The following CRHR1 variants were observed in gnomAD, a reference collection of about 807,000 sequenced individuals.
CRHR1 encodes corticotropin releasing hormone receptor 1.
A neutral mutation model predicts 56.0 loss-of-function variants in CRHR1; 28 were observed. That is an observed-to-expected ratio of 0.50 (90% CI 0.37 to 0.69). The LOEUF (loss-of-function observed/expected upper bound fraction) is 0.69, where lower values mean the gene tolerates loss of function less well. Among genes scored for constraint, CRHR1 ranks in the 30% least tolerant of loss-of-function variants. The pLI is 0.00. For missense variants in CRHR1, 376 were observed against 548.0 expected, an observed-to-expected ratio of 0.69 and a Z score of 3.13; for synonymous variants, 195 against 216.5, an observed-to-expected ratio of 0.90 and a Z score of 0.87.
chr17:45,817,418 G>A (rs114014990), intron 3 of CRHR1, among the ~76,000 whole-genome samples: 251 of 152,322 alleles, frequency 1.6e-3, no homozygotes, highest in African/African-American at 5.7e-3. Context: ...AGTCCCAAGA[G>A]GGCACAGGGG....
chr17:45,834,811 T>A lies in CRHR1; in HGVS notation c.*47T>A, dbSNP rs374109766. On this transcript the variant is annotated 3_prime_UTR_variant, in exon 13 of 13. Coordinates refer to ENST00000314537, the MANE Select transcript of CRHR1 (RefSeq NM_004382.5). ...CCCCAAAGAGCTGTGGCTGGGGGGATGACGGCCAGGCTCCCTGACCACCCT... is the reference window on the plus strand; with the variant it reads ...CCCCAAAGAGCTGTGGCTGGGGGGAAGACGGCCAGGCTCCCTGACCACCCT... 408 of 1,610,072 alleles carry A rather than the reference T, an allele frequency of 2.5e-4. No homozygotes were observed. The highest frequency in any genetic ancestry group is 3.4e-4 in the Non-Finnish European group (396 of 1,178,384).
At chr17:45,803,785 T>TGC (rs1484796196) in intron 1 of CRHR1, among the ~76,000 whole-genome samples, 6 of 100,702 alleles carry the variant, frequency 6.0e-5, no homozygotes, top group African/African-American at 2.0e-4. Context: ...TGCGTGCGCG[T>TGC]GCGCGTGTGT....
At chr17:45,828,411 G>T (rs2062214573) in intron 4 of CRHR1, among the ~76,000 whole-genome samples, 1 of 152,234 alleles carries the variant, frequency 6.6e-6, no homozygotes, top group South Asian at 2.1e-4. Flanking sequence ...CCACGGGGTT[G>T]CCCTGATGGT....
Position 45,834,939 on chromosome 17 carries a change from T to A in CRHR1, c.*175T>A. ...CTCCCCCTGCAGCCGTGCAGGACTCTAGCTCATGAGTGGAAAGTCACCTAC... is the reference window on the plus strand; with the variant it reads ...CTCCCCCTGCAGCCGTGCAGGACTCAAGCTCATGAGTGGAAAGTCACCTAC... On this transcript the variant is annotated 3_prime_UTR_variant, in exon 13 of 13. Transcript: ENST00000314537. 2 of 847,508 alleles carry A rather than the reference T, an allele frequency of 2.4e-6. No homozygotes were observed. Among genetic ancestry groups the A allele is most frequent in the Non-Finnish European group, 3.6e-6 (2 of 560,222 alleles). The allele number at this position is 847,508 out of a possible 1,614,324, so 52.5% of individuals were successfully genotyped here. A position where few individuals can be genotyped will look rare whatever the true frequency, so the allele number is the denominator to read the frequency against.
In CRHR1 at chr17:45,834,848, T is replaced by C. The variant is rs1304800222; in HGVS notation, c.*84T>C. 4 of 1,582,288 alleles carry C rather than the reference T, an allele frequency of 2.5e-6. No individual in the cohort carries two copies. Among genetic ancestry groups the C allele is most frequent in the Non-Finnish European group, 3.4e-6 (4 of 1,161,786 alleles). ...TCCCTGACCACCCTGCCTGTGGAGG[T>C]GACCTGTTAGGTCTCATGCCCACTC... On this transcript the variant is annotated 3_prime_UTR_variant, in exon 13 of 13. Coordinates refer to ENST00000314537, the MANE Select transcript of CRHR1 (RefSeq NM_004382.5).
At chr17:45,824,638 G>C (rs751034409) in intron 4 of CRHR1, among the ~76,000 whole-genome samples, 1 of 152,200 alleles carries the variant, frequency 6.6e-6, no homozygotes, top group African/African-American at 2.4e-5. Flanking sequence ...TCGGGAGCCC[G>C]GTCTCATCAG....
intron 4 of CRHR1, chr17:45,825,751 T>C (rs1483213782): frequency 6.6e-6 from 1 of 152,492 alleles, no homozygotes; most frequent in Non-Finnish European, 1.5e-5. Flanking sequence ...GGGGCCACCC[T>C]TTGAGGATCG....
chr17:45,829,139 C>A, intron 4 of CRHR1, 76 bp from the exon 5 acceptor site: 2 of 1,155,004 alleles, frequency 1.7e-6, no homozygotes, highest in Non-Finnish European at 2.6e-6. Flanking sequence ...CCATCCCAGC[C>A]ACCCCTAGGC....
Position 45,833,693 on chromosome 17 carries a change from TCC to T in CRHR1, c.930-18_930-17del. 2 of 1,571,586 alleles carry T rather than the reference TCC, an allele frequency of 1.3e-6. No individual in the cohort carries two copies. Among genetic ancestry groups the T allele is most frequent in the African/African-American group, 1.4e-5 (1 of 73,510 alleles). On this transcript the variant is annotated intron_variant, in intron 10 of 12. Transcript: ENST00000314537. ...CTGGGGTGGGCTGTGACTCCGAGCC[TCC>T]CCACCCGCCCCACCCCAGGAAGGCT...
chr17:45,807,204 CAG>C (rs2061736785), intron 2 of CRHR1, 107 bp downstream of exon 2: 2 of 1,006,914 alleles, frequency 2.0e-6, no homozygotes, highest in African/African-American at 1.6e-5. Context: ...GCAGGATTTG[CAG>C]AGTCATTTCC....
At chr17:45,827,250 G>A (rs997372388) in intron 4 of CRHR1, 1 of 152,260 alleles carries the variant, frequency 6.6e-6, no homozygotes, top group Non-Finnish European at 1.5e-5. Context: ...GGCCCGGTAC[G>A]GCCTGACTCG....
At chr17:45,815,574 A>G (rs535342379) in intron 2 of CRHR1, among the ~76,000 whole-genome samples, 9 of 152,288 alleles carry the variant, frequency 5.9e-5, no homozygotes, top group Middle Eastern at 3.4e-3. Context: ...ATGCATGTAT[A>G]CACCAATATT....
chr17:45,833,693 T>TGGGGGGGCG, intron 10 of CRHR1, 21 bp from the exon 11 acceptor site: 8 of 1,571,606 alleles, frequency 5.1e-6, no homozygotes, highest in Non-Finnish European at 6.1e-6. Flanking sequence ...ACTCCGAGCC[T>TGGGGGGGCG]CCCCACCCGC....
chr17:45,830,091 C>T lies in CRHR1; in HGVS notation c.435-3C>T, dbSNP rs770178407. The T allele has an allele frequency of 6.2e-7, 1 of 1,614,056 alleles. No homozygotes were observed. The highest frequency in any genetic ancestry group is 2.2e-5 in the East Asian group (1 of 44,876). The stretch of plus-strand genomic sequence containing the variant: ...CCATCATCCACCCGCCCTGCTGCAC[C>T]AGGAGCATCCGGTGCCTGCGAAACA... On this transcript the variant is annotated splice_region_variant and splice_polypyrimidine_tract_variant and intron_variant, in intron 5 of 12. Transcript: ENST00000314537.
intron 1 of CRHR1, among the ~76,000 whole-genome samples, chr17:45,797,862 T>G (rs2061549616): frequency 6.6e-6 from 1 of 152,144 alleles, no homozygotes; most frequent in Non-Finnish European, 1.5e-5. Flanking sequence ...CCTCCCCATT[T>G]TACAGATGAG....
intron 4 of CRHR1, chr17:45,825,671 C>T (rs893845381): frequency 6.5e-6 from 1 of 154,504 alleles, no homozygotes; most frequent in African/African-American, 2.4e-5. Context: ...TTCCATGGGC[C>T]TGGCGTAGGG....
intron 1 of CRHR1, among the ~76,000 whole-genome samples, chr17:45,793,983 C>T (rs1011965109): frequency 6.6e-6 from 1 of 152,206 alleles, no homozygotes; most frequent in African/African-American, 2.4e-5. Flanking sequence ...CCCCAGGACT[C>T]CCCTCAGAAC....
At chr17:45,791,764 A>C (rs2061428887) in intron 1 of CRHR1, among the ~76,000 whole-genome samples, 1 of 151,586 alleles carries the variant, frequency 6.6e-6, no homozygotes, top group Admixed American at 6.6e-5. Context: ...CAGGGTGCAG[A>C]AGGGACAGGA....
intron 8 of CRHR1, among the ~76,000 whole-genome samples, chr17:45,831,708 T>G (rs1361348988): frequency 6.6e-6 from 1 of 152,166 alleles, no homozygotes; most frequent in Non-Finnish European, 1.5e-5. Flanking sequence ...TGAGAACCAC[T>G]GAGAGAGAGC....
Sources: gnomAD v4.1 joint callset for allele counts (sites outside exome capture counted in the v4.1 genomes callset) on GRCh38, gnomAD v4.1.1 for gene constraint, MANE v1.5 for transcripts, NCBI Gene and HGNC (gene_info 2026-07-23, HGNC 2026-07-21) for gene names.